Variants in CNGA3 observed in about 807,000 individuals in gnomAD.
CNGA3 encodes the protein cyclic nucleotide gated channel subunit alpha 3.
A neutral mutation model predicts 46.6 loss-of-function variants in CNGA3; 42 were observed. The ratio of observed to expected loss-of-function variants is 0.90; its 90% CI spans 0.70 to 1.17. The LOEUF (loss-of-function observed/expected upper bound fraction) is 1.17, where lower values mean the gene tolerates loss of function less well. Ranked by LOEUF, CNGA3 falls within the 50% of genes most tolerant of loss-of-function variation. The pLI is 0.00. For missense variants in CNGA3, 893 were observed against 890.7 expected (o/e 1.00, Z -0.03); for synonymous variants, 394 against 369.4 (o/e 1.07, Z -0.76).
chr2:98,377,503 C>A (rs765919825), intron 2 of CNGA3, 184 bp from the exon 3 acceptor site: 17 of 630,654 alleles, frequency 2.7e-5, no homozygotes, highest in Non-Finnish European at 3.4e-5. Context: ...GGAAAGGCCA[C>A]GTTTATACCA....
rs1692497544 is a variant in CNGA3 at position 98,379,860 on chromosome 2, T to A, written c.216-315T>A. ...CAAAAGGAGTGAGCTAATCCCCCAT[T>A]TGAAGGATCATGCCTTAGGCAGAGT... On this transcript the variant is annotated intron_variant, in intron 3 of 7. Transcript: ENST00000272602. 2.9e-5 allele frequency: 13 copies of A among 445,974 alleles called. No individual in the cohort carries two copies. In the South Asian group the frequency reaches 3.2e-4, roughly 11 times the overall value. 27.6% of individuals were successfully genotyped at this position (445,974 alleles called of 1,614,324 possible).
At chr2:98,354,065 A>G (rs1019957532) in intron 1 of CNGA3, among the ~76,000 whole-genome samples, 1 of 152,226 alleles carries the variant, frequency 6.6e-6, no homozygotes, top group African/African-American at 2.4e-5. Flanking sequence ...GGGGACATAG[A>G]TCCAAACCAT....
At chr2:98,359,235 G>T (rs1362305986) in intron 1 of CNGA3, among the ~76,000 whole-genome samples, 2 of 152,186 alleles carry the variant, frequency 1.3e-5, no homozygotes, top group Non-Finnish European at 2.9e-5. Flanking sequence ...ATTGGTCCAG[G>T]GTTGCCCCAA....
chr2:98,368,240 C>T (rs1692207741), intron 1 of CNGA3, among the ~76,000 whole-genome samples: 1 of 152,188 alleles, frequency 6.6e-6, no homozygotes, highest in African/African-American at 2.4e-5. Context: ...TGTGCATGGC[C>T]ACACCAATGG....
At chr2:98,357,197 A>G (rs771454410) in intron 1 of CNGA3, among the ~76,000 whole-genome samples, 3 of 152,218 alleles carry the variant, frequency 2.0e-5, no homozygotes, top group Non-Finnish European at 4.4e-5. Flanking sequence ...AAGTACAAGA[A>G]TAACTGGAAT....
chr2:98,356,861 T>C (rs905161904), intron 1 of CNGA3, among the ~76,000 whole-genome samples: 1 of 152,222 alleles, frequency 6.6e-6, no homozygotes, highest in Non-Finnish European at 1.5e-5. Context: ...CTTTGTAGTA[T>C]GTTTGCTCTC....
At position 98,397,021 on chromosome 2, in the gene CNGA3, C is replaced by G; in HGVS notation, c.1851C>G (p.Ala617=). Residue 617 remains alanine (A), a synonymous_variant, in exon 8 of 8, where the codon GCC becomes GCG. Coordinates refer to ENST00000272602, the MANE Select transcript of CNGA3 (RefSeq NM_001298.3). Reference sequence around the variant, plus strand: ...ACAACCTGATCGATGAGGAGCTGGCCAGGGCGGGCGCGGACCCCAAGGACC... The same window carrying G: ...ACAACCTGATCGATGAGGAGCTGGCGAGGGCGGGCGCGGACCCCAAGGACC... ...MKDNLIDEEL[A]RAGADPKDLE... The G allele has an allele frequency of 1.2e-6, 2 of 1,613,922 alleles. No individual in the cohort carries two copies. Among genetic ancestry groups the G allele is most frequent in the Non-Finnish European group, 1.7e-6 (2 of 1,179,922 alleles).
At chr2:98,353,035 A>G (rs1196195982) in intron 1 of CNGA3, among the ~76,000 whole-genome samples, 1 of 152,166 alleles carries the variant, frequency 6.6e-6, no homozygotes, top group East Asian at 1.9e-4. Context: ...CTCACCTATA[A>G]CATAAATGGC....
chr2:98,347,512 CTT>C (rs1349578824), intron 1 of CNGA3, among the ~76,000 whole-genome samples: 1 of 152,238 alleles, frequency 6.6e-6, no homozygotes, highest in African/African-American at 2.4e-5. Flanking sequence ...GCAGCTGGGA[CTT>C]TAACTTCGGC....
chr2:98,359,225 A>G (rs541917524), intron 1 of CNGA3, among the ~76,000 whole-genome samples: 9 of 152,302 alleles, frequency 5.9e-5, no homozygotes, highest in East Asian at 1.9e-4. Flanking sequence ...TCCTGCTTCT[A>G]TTGGTCCAGG....
intron 1 of CNGA3, among the ~76,000 whole-genome samples, chr2:98,350,240 T>G (rs1380322541): frequency 6.6e-6 from 1 of 152,232 alleles, no homozygotes; most frequent in Non-Finnish European, 1.5e-5. Context: ...ATAATTATAA[T>G]GCCTTCCTCA....
At chr2:98,357,394 T>C (rs1691907510) in intron 1 of CNGA3, among the ~76,000 whole-genome samples, 1 of 152,344 alleles carries the variant, frequency 6.6e-6, no homozygotes, top group South Asian at 2.1e-4. Flanking sequence ...GTAAATGTGA[T>C]GGCTTCTCAC....
chr2:98,386,818 C>G (rs985582801), intron 5 of CNGA3, among the ~76,000 whole-genome samples: 1 of 152,104 alleles, frequency 6.6e-6, no homozygotes. Flanking sequence ...GCCACAGCCT[C>G]GAAAGGTGCA....
At position 98,360,893 on chromosome 2, in the gene CNGA3, A is replaced by G. The variant is rs1692016048; in HGVS notation, c.-37-9046A>G. Among the ~76,000 whole-genome samples the G allele has an allele frequency of 2.6e-5, 4 of 152,238 alleles. No individual in the cohort carries two copies. In the South Asian group the frequency reaches 6.2e-4, roughly 24 times the overall value. ...AGAGACTCTCATGTTAGAATAAACAATGATGTAAAAAGCTTAGCACATTGA... is the reference window on the plus strand; with the variant it reads ...AGAGACTCTCATGTTAGAATAAACAGTGATGTAAAAAGCTTAGCACATTGA... On this transcript the variant is annotated intron_variant, in intron 1 of 7. Transcript: ENST00000272602.
At chr2:98,351,454 T>G (rs1475272696) in intron 1 of CNGA3, among the ~76,000 whole-genome samples, 2 of 152,200 alleles carry the variant, frequency 1.3e-5, no homozygotes, top group African/African-American at 4.8e-5. Context: ...TCTCTCTGCC[T>G]GCTGCCATCC....
At chr2:98,386,997 G>T (rs1692669464) in intron 5 of CNGA3, among the ~76,000 whole-genome samples, 1 of 152,236 alleles carries the variant, frequency 6.6e-6, no homozygotes, top group South Asian at 2.1e-4. Flanking sequence ...CTGACCTACA[G>T]ATCTGCAAGA....
chr2:98,383,437 G>C lies in CNGA3; in HGVS notation c.445G>C (p.Glu149Gln), dbSNP rs1398889034. 14 of 1,614,132 alleles carry C rather than the reference G, an allele frequency of 8.7e-6. No individual in the cohort carries two copies. Among genetic ancestry groups the C allele is most frequent in the Non-Finnish European group, 1.2e-5 (14 of 1,180,030 alleles). The part of the protein sequence containing the change: ...CNTNTSNNTE[E>Q]EKKTKKKDAI... ...CACTAACACCAGCAACAACACGGAG[G>C]AGGAGTAAGTACCCACACACCCAGC... Residue 149 changes from glutamate (E) to glutamine (Q), a missense_variant, in exon 5 of 8, where the codon GAG becomes CAG. This residue lies in a region of CNGA3 where 333 missense variants were observed against 290.8 expected (regional missense o/e 1.15). Transcript: ENST00000272602.
chr2:98,354,408 AT>A (rs1691834767), intron 1 of CNGA3, among the ~76,000 whole-genome samples: 1 of 152,090 alleles, frequency 6.6e-6, no homozygotes, highest in South Asian at 2.1e-4. Flanking sequence ...CTTCAGATAA[AT>A]GTCTATTCAA....
chr2:98,377,309 A>C, intron 2 of CNGA3: 1 of 223,840 alleles, frequency 4.5e-6, no homozygotes, highest in South Asian at 6.9e-5. Context: ...TCAGTAGGCG[A>C]GAAGTGTTGG....
Sources: gnomAD v4.1 joint callset for allele counts (sites outside exome capture counted in the v4.1 genomes callset) on GRCh38, gnomAD v4.1.1 for gene constraint, gnomAD v4.1.1 regional missense constraint, MANE v1.5 for transcripts, NCBI Gene and HGNC (gene_info 2026-07-23, HGNC 2026-07-21) for gene names.